PKD1L1: variants seen among roughly 807,000 people sequenced by gnomAD.
PKD1L1 encodes polycystin 1 like 1, transient receptor potential channel interacting, also known as polycystin-1-like protein 1.
Under a neutral mutation model 323.4 loss-of-function variants are expected in PKD1L1, and 236 were observed. That is an observed-to-expected ratio of 0.73 (90% CI 0.66 to 0.81). The LOEUF is 0.81. Among genes scored for constraint, PKD1L1 ranks in the 40% least tolerant of loss-of-function variants. The probability of loss-of-function intolerance (pLI) is 0.00; values close to 1 mark genes in which losing one functional copy is unlikely to be tolerated. For missense variants in PKD1L1, 3,320 were observed against 3,508.0 expected (o/e 0.95, Z 1.35); for synonymous variants, 1,344 against 1,335.0 (o/e 1.01, Z -0.15).
At chr7:47,879,538 CAG>C (rs1786484485) in intron 21 of PKD1L1, among the ~76,000 whole-genome samples, 2 of 147,238 alleles carry the variant, frequency 1.4e-5, no homozygotes, top group African/African-American at 5.0e-5. Flanking sequence ...GAGGCTGAGG[CAG>C]GAGAATCACT....
At chr7:47,927,179 T>C (rs1787670341) in intron 7 of PKD1L1, among the ~76,000 whole-genome samples, 1 of 150,942 alleles carries the variant, frequency 6.6e-6, no homozygotes, top group Non-Finnish European at 1.5e-5. Flanking sequence ...TGATAAAGTA[T>C]ACTTAATAAA....
chr7:47,939,365 T>C (rs1450210191), intron 3 of PKD1L1, among the ~76,000 whole-genome samples: 14 of 151,998 alleles, frequency 9.2e-5, no homozygotes, highest in Admixed American at 8.5e-4. Flanking sequence ...ACAGCAGAGG[T>C]TCTGGGAGCT....
In PKD1L1 at chr7:47,831,335, C is replaced by T. The variant is rs749255392; in HGVS notation, c.6355G>A (p.Glu2119Lys). The change falls in exon 42 of 57, where the codon GAG becomes AAG. Residue 2119 changes from glutamate to lysine, a missense_variant. Glu to Lys is a moderately conservative substitution (Grantham distance 56, BLOSUM62 1). Transcript: ENST00000289672. ...PHTQAPSSGL[E>K]GLMPQWSRAL... The stretch of plus-strand genomic sequence containing the variant: ...CTTGACCACTGGGGCATTAGTCCCT[C>T]CAAACCACTGCTGGGTGCTGCGGAA... 5.6e-6 allele frequency: 9 copies of T among 1,613,728 alleles called. No homozygotes were observed. In the South Asian group the frequency reaches 7.7e-5, roughly 14 times the overall value.
At chr7:47,817,335 C>A (rs1339083572) in intron 46 of PKD1L1, among the ~76,000 whole-genome samples, 1 of 152,172 alleles carries the variant, frequency 6.6e-6, no homozygotes, top group African/African-American at 2.4e-5. Flanking sequence ...CAGTTATTAA[C>A]TGTTTCCAGC....
intron 2 of PKD1L1, among the ~76,000 whole-genome samples, chr7:47,942,580 A>G (rs1174595345): frequency 6.6e-6 from 1 of 152,188 alleles, no homozygotes; most frequent in Non-Finnish European, 1.5e-5. Flanking sequence ...TTCTACTTAA[A>G]GGAATCCTGG....
At chr7:47,816,702 A>T (rs1785027039) in intron 46 of PKD1L1, among the ~76,000 whole-genome samples, 1 of 152,212 alleles carries the variant, frequency 6.6e-6, no homozygotes, top group South Asian at 2.1e-4. Context: ...AGGTGAGAAG[A>T]AGTTAGAAAG....
chr7:47,829,366 A>G, intron 44 of PKD1L1, 59 bp downstream of exon 44: 2 of 1,465,612 alleles, frequency 1.4e-6, no homozygotes, highest in Non-Finnish European at 1.8e-6. Context: ...GATATGCATG[A>G]TAGAATATAA....
rs1351524560 is a variant in PKD1L1 at position 47,839,577 on chromosome 7, C to T, written c.5638G>A (p.Val1880Met). The change falls in exon 36 of 57, where the codon GTG becomes ATG. Residue 1880 changes from valine (V) to methionine (M), a missense_variant. Val to Met is a conservative substitution (Grantham distance 21). Coordinates refer to ENST00000289672, the MANE Select transcript of PKD1L1 (RefSeq NM_138295.5). This position sits in a 1 kb window ranked among gnomAD's most constrained non-coding sequence, Gnocchi z 4.3. Reference protein sequence around the residue: ...GPSPGWFISHVMVKELHTGQG... With the variant: ...GPSPGWFISHMMVKELHTGQG... ...CCCGTGTGCAGCTCCTTCACCATCA[C>T]GTGGCTGATGAACCAGCCTGGGGAA... The T allele has an allele frequency of 6.9e-6, 11 of 1,603,226 alleles. No homozygotes were observed. Among genetic ancestry groups the T allele is most frequent in the Middle Eastern group, 1.7e-4 (1 of 6,056 alleles).
chr7:47,886,123 C>G, intron 17 of PKD1L1, 69 bp from the exon 18 acceptor site: 2 of 1,526,200 alleles, frequency 1.3e-6, no homozygotes, highest in Non-Finnish European at 1.8e-6. Context: ...AAAAAGTCTA[C>G]AGACTATGTA....
chr7:47,934,359 T>C (rs1787827617), intron 4 of PKD1L1, among the ~76,000 whole-genome samples: 1 of 152,160 alleles, frequency 6.6e-6, no homozygotes, highest in African/African-American at 2.4e-5. Context: ...CTGGGGCTTG[T>C]GGTGCAGGGG....
chr7:47,827,408 G>A lies in PKD1L1; in HGVS notation c.6796C>T (p.Gln2266Ter). 6.2e-7 allele frequency: 1 copy of A among 1,613,414 alleles called. No homozygotes were observed. Among genetic ancestry groups the A allele is most frequent in the Admixed American group, 1.7e-5 (1 of 60,010 alleles). Residue 2266 changes from glutamine to a stop codon, truncating the protein, a stop_gained, in exon 45 of 57, where the codon CAG (glutamine) becomes TAG (stop). Transcript: ENST00000289672. LOFTEE classifies it high-confidence loss of function. ...ATCCTCTGTCTGGTGCCCCTCAGCT[G>A]GGCCTTGGATGGTGGATGCGCCCAG... ...LRWAHPPSKA[Q>*]LRGTRQRMRR... is the part of the protein sequence containing the mutation.
At chr7:47,804,416 A>C (rs887594790) in intron 52 of PKD1L1, among the ~76,000 whole-genome samples, 1 of 152,022 alleles carries the variant, frequency 6.6e-6, no homozygotes, top group Non-Finnish European at 1.5e-5. Context: ...AAAAAATAGC[A>C]TCATGTCAAT....
chr7:47,949,288 G>A (rs191291641), upstream of PKD1L1, among the ~76,000 whole-genome samples: 7 of 149,818 alleles, frequency 4.7e-5, no homozygotes, highest in Non-Finnish European at 1.0e-4. Flanking sequence ...AGAATTGCTC[G>A]AAACCGAGAG....
chr7:47,812,086 A>G (rs1254622909), intron 49 of PKD1L1, 35 bp from the exon 50 acceptor site: 6 of 1,523,100 alleles, frequency 3.9e-6, no homozygotes, highest in Non-Finnish European at 4.5e-6. Flanking sequence ...AGGGCAGGGC[A>G]GGGAGAAAGG....
chr7:47,915,486 C>G lies in PKD1L1; in HGVS notation c.1174G>C (p.Glu392Gln), dbSNP rs1337575533. ...CCAAGGTTACTGGGGTCTGAGTCTT[C>G]CAGGCAGCTGTTTTCACTTTGGCAC... ...YLCQSENSCL[E>Q]DSDPSNLGYE... Residue 392 changes from glutamate to glutamine, a missense_variant, in exon 8 of 57, where the codon GAA (glutamate) becomes CAA (glutamine). By Grantham distance (29) the Glu-to-Gln change is conservative. Transcript: ENST00000289672. 1 of 1,287,090 alleles carries G rather than the reference C, an allele frequency of 7.8e-7. No homozygotes were observed. The allele number at this position is 1,287,090 out of a possible 1,614,324, so 79.7% of individuals were successfully genotyped here. A position where few individuals can be genotyped will look rare whatever the true frequency, so the allele number is the denominator to read the frequency against.
chr7:47,906,109 C>CA (rs1787201404), intron 9 of PKD1L1, 147 bp from the exon 10 acceptor site: 1 of 729,142 alleles, frequency 1.4e-6, no homozygotes, highest in African/African-American at 1.9e-5. Context: ...GCTCTGAAAT[C>CA]AGACATACCT....
rs1562950669 is a variant in PKD1L1, at chr7:47,831,203, A to C, written c.6473+14T>G. ...CTGAGGACCTGAGGATGTTTGAAAA[A>C]CTCTACAGCTCACCTGTAGGCTAGA... On this transcript the variant is annotated intron_variant, in intron 42 of 56. Coordinates refer to ENST00000289672, the MANE Select transcript of PKD1L1 (RefSeq NM_138295.5). 4 of 1,602,336 alleles carry C rather than the reference A, an allele frequency of 2.5e-6. No individual in the cohort carries two copies. In the South Asian group the frequency reaches 3.3e-5, roughly 13 times the overall value.
chr7:47,809,613 G>T, intron 50 of PKD1L1, 36 bp from the exon 51 acceptor site: 1 of 1,455,052 alleles, frequency 6.9e-7, no homozygotes, highest in South Asian at 1.3e-5. Flanking sequence ...AGATCAATAG[G>T]AATGCTGATA....
At chr7:47,785,278 A>G (rs1245868664) in intron 56 of PKD1L1, among the ~76,000 whole-genome samples, 1 of 152,182 alleles carries the variant, frequency 6.6e-6, no homozygotes, top group Non-Finnish European at 1.5e-5. Context: ...GTTTTTGTCC[A>G]TAATTTTGAG....
Sources: gnomAD v4.1 joint callset for allele counts (sites outside exome capture counted in the v4.1 genomes callset) on GRCh38, gnomAD v4.1.1 for gene constraint, Gnocchi (gnomAD v3.1) non-coding constraint, MANE v1.5 for transcripts, NCBI Gene and HGNC (gene_info 2026-07-23, HGNC 2026-07-21) for gene names.